Variants in RBM41 observed in about 807,000 individuals in gnomAD.
The protein encoded by RBM41 is RNA binding motif protein 41, also known as RNA-binding protein 41.
In RBM41, 14 loss-of-function variants were observed where a neutral mutation model predicts 30.8. That is an observed-to-expected ratio of 0.45 (90% CI 0.30 to 0.71). The LOEUF (loss-of-function observed/expected upper bound fraction) is 0.71. Among genes scored for constraint, RBM41 ranks in the 30% least tolerant of loss-of-function variants. The pLI is 0.08. For synonymous variants in RBM41, 120 were observed against 110.1 expected (o/e 1.09, Z -0.56); for missense variants, 276 against 326.3 (o/e 0.85, Z 1.19).
At chrX:107,102,236 T>G (rs1318168918) in intron 5 of RBM41, among the ~76,000 whole-genome samples, 1 of 111,655 alleles carries the variant, frequency 9.0e-6, no homozygotes, top group Non-Finnish European at 1.9e-5. Context: ...AGTGACAAAC[T>G]GATATTTCAC....
chrX:107,095,654 T>C (rs762151267), intron 5 of RBM41, among the ~76,000 whole-genome samples: 24 of 110,184 alleles, frequency 2.2e-4, no homozygotes, highest in African/African-American at 6.6e-4. Context: ...CATGCAACAA[T>C]TGGAAAATGA....
At chrX:107,106,625 T>C (rs1924018692) in intron 5 of RBM41, among the ~76,000 whole-genome samples, 2 of 111,327 alleles carry the variant, frequency 1.8e-5, no homozygotes, top group African/African-American at 6.6e-5. Flanking sequence ...AATGCAAATG[T>C]CCAACAATGA....
In RBM41 at chrX:107,063,943, CTTTCT is replaced by C. The variant is rs1178067920; in HGVS notation, c.*3579_*3583del. 4.9e-5 allele frequency among the ~76,000 whole-genome samples: 5 copies of C among 102,662 alleles called. No individual in the cohort carries two copies. Among genetic ancestry groups the C allele is most frequent in the African/African-American group, 1.1e-4 (3 of 27,456 alleles). The allele number at this position is 102,662 out of a possible 115,157, so 89.1% of individuals were successfully genotyped here. On this transcript the variant is annotated 3_prime_UTR_variant, in exon 8 of 8. Transcript: ENST00000685964. ...TGTAAAGTGAGGTTAGTGCTATGGTCTTTCTTTTCTTTTTTTTTTTTTTTTTGAGA... is the reference window on the plus strand; with the variant it reads ...TGTAAAGTGAGGTTAGTGCTATGGTCTTTCTTTTTTTTTTTTTTTTTGAGA...
chrX:107,077,573 A>AACACACACACACACACACACAC (rs35841168), intron 6 of RBM41, among the ~76,000 whole-genome samples: 2 of 92,675 alleles, frequency 2.2e-5, no homozygotes, highest in Non-Finnish European at 2.1e-5. Flanking sequence ...CAACATACAT[A>AACACACACACACACACACACAC]ACACACACAC....
intron 6 of RBM41, among the ~76,000 whole-genome samples, chrX:107,087,344 A>G (rs1156376807): frequency 1.8e-5 from 2 of 111,484 alleles, no homozygotes; most frequent in African/African-American, 3.3e-5. Flanking sequence ...TAGAAATTCA[A>G]TCAGTCAAAC....
At chrX:107,069,992 A>C in intron 6 of RBM41, 1 of 200,610 alleles carries the variant, frequency 5.0e-6, no homozygotes, top group Non-Finnish European at 9.1e-6. Flanking sequence ...CACACTGAAG[A>C]AAGCTGAATT....
downstream of RBM41, among the ~76,000 whole-genome samples, chrX:107,059,267 A>G (rs926868681): frequency 2.7e-5 from 3 of 110,288 alleles, no homozygotes; most frequent in African/African-American, 3.3e-5. Flanking sequence ...CATTCAGTCT[A>G]TAACAATGAG....
chrX:107,103,874 T>C (rs1923685676), intron 5 of RBM41, among the ~76,000 whole-genome samples: 1 of 111,517 alleles, frequency 9.0e-6, no homozygotes, highest in Non-Finnish European at 1.9e-5. Flanking sequence ...ATGCTGAGAC[T>C]TTCTGTGGTG....
chrX:107,095,060 T>C (rs1325788481), intron 5 of RBM41, among the ~76,000 whole-genome samples: 13 of 108,076 alleles, frequency 1.2e-4, no homozygotes, highest in Admixed American at 1.1e-3. Flanking sequence ...CTGAATACTT[T>C]TCCCCTAAGA....
At chrX:107,114,013 CAT>C (rs1035003622) in intron 4 of RBM41, among the ~76,000 whole-genome samples, 4 of 111,677 alleles carry the variant, frequency 3.6e-5, no homozygotes, top group Admixed American at 9.5e-5. Context: ...ACAAATTCCA[CAT>C]GTTTAAAATC....
intron 6 of RBM41, chrX:107,070,187 A>G: frequency 3.1e-6 from 1 of 326,780 alleles, no homozygotes; most frequent in Non-Finnish European, 5.9e-6. Flanking sequence ...CCCTCACAAT[A>G]TGCTATGGGG....
At chrX:107,059,210 C>T (rs968471074), downstream of RBM41, among the ~76,000 whole-genome samples, 5 of 111,190 alleles carry the variant, frequency 4.5e-5, no homozygotes, top group African/African-American at 1.6e-4. Flanking sequence ...TTCCTCAAAC[C>T]ATCACATTGG....
At chrX:107,095,754 T>TGCTTTGA in intron 5 of RBM41, among the ~76,000 whole-genome samples, 2 of 111,756 alleles carry the variant, frequency 1.8e-5, no homozygotes. Flanking sequence ...GGCTCATACC[T>TGCTTTGA]GTAATCCCAG....
intron 5 of RBM41, among the ~76,000 whole-genome samples, chrX:107,100,621 T>C (rs1025580299): frequency 1.8e-5 from 2 of 112,253 alleles, no homozygotes; most frequent in Non-Finnish European, 3.8e-5. Flanking sequence ...GACAAGGATG[T>C]AGAGCAACCT....
intron 5 of RBM41, among the ~76,000 whole-genome samples, chrX:107,100,193 T>TG (rs1923331605): frequency 1.8e-5 from 2 of 112,282 alleles, no homozygotes; most frequent in African/African-American, 6.5e-5. Flanking sequence ...CCAGGTGTGG[T>TG]GGCTCATGCC....
chrX:107,118,528 C>T (rs1184944155), intron 1 of RBM41, among the ~76,000 whole-genome samples: 1 of 110,962 alleles, frequency 9.0e-6, no homozygotes. Context: ...TCCCGGGGCC[C>T]GTGCCGGGAG....
chrX:107,102,857 T>C (rs745516388), intron 5 of RBM41, among the ~76,000 whole-genome samples: 1 of 111,393 alleles, frequency 9.0e-6, no homozygotes, highest in Admixed American at 9.6e-5. Context: ...AGTAACCCCT[T>C]TATTCCCTCA....
Position 107,116,056 on chromosome X carries a change from T to G in RBM41, c.126-2A>C. The G allele has an allele frequency of 8.7e-7, 1 of 1,153,087 alleles. No homozygotes were observed. Among genetic ancestry groups the G allele is most frequent in the Non-Finnish European group, 1.2e-6 (1 of 863,440 alleles). On this transcript the variant is annotated splice_acceptor_variant, in intron 2 of 7. Coordinates refer to ENST00000685964, the MANE Select transcript of RBM41 (RefSeq NM_001324242.2). LOFTEE classifies it high-confidence loss of function. ...AAGCTCTCTTTCTTAGACATACATC[T>G]GCAAAACATGCAGGAGGAGAGTAAG...
downstream of RBM41, among the ~76,000 whole-genome samples, chrX:107,059,722 T>C (rs1472993200): frequency 8.9e-6 from 1 of 111,738 alleles, no homozygotes; most frequent in Non-Finnish European, 1.9e-5. Flanking sequence ...ATGTGGATTT[T>C]CTAAATCTAC....
Sources: gnomAD v4.1 joint callset for allele counts (sites outside exome capture counted in the v4.1 genomes callset) on GRCh38, gnomAD v4.1.1 for gene constraint, MANE v1.5 for transcripts, NCBI Gene and HGNC (gene_info 2026-07-23, HGNC 2026-07-21) for gene names.